The following ANO4 variants were observed in gnomAD, a reference collection of about 807,000 sequenced individuals.
ANO4 encodes anoctamin-4.
ANO4 carries 69 observed loss-of-function variants against 141.9 expected under a neutral mutation model. That is an observed-to-expected ratio of 0.49 (90% CI 0.40 to 0.59). ANO4 has a LOEUF of 0.59. Ranked by LOEUF, ANO4 falls within the 20% of genes least tolerant of loss-of-function variation. The probability of loss-of-function intolerance (pLI) is 0.00; values close to 1 mark genes in which losing one functional copy is unlikely to be tolerated. For synonymous variants in ANO4, 350 were observed against 394.3 expected (o/e 0.89, Z 1.33); for missense variants, 894 against 1,162.2 (o/e 0.77, Z 3.36).
At chr12:101,066,199 A>C (rs1167460209) in intron 14 of ANO4, among the ~76,000 whole-genome samples, 1 of 152,232 alleles carries the variant, frequency 6.6e-6, no homozygotes, top group Non-Finnish European at 1.5e-5. Context: ...TAAAATCTGG[A>C]GCATAATAAG....
At chr12:100,806,523 C>CTTTTT (rs1593379234) in intron 1 of ANO4, among the ~76,000 whole-genome samples, 3,948 of 44,930 alleles carry the variant, frequency 0.088, 1,084 homozygotes, top group Middle Eastern at 0.12. Context: ...TTTTTTGTTT[C>CTTTTT]GTTTTTTTTT....
chr12:100,782,458 T>G (rs2033741907), intron 3 of ANO4, among the ~76,000 whole-genome samples: 1 of 152,244 alleles, frequency 6.6e-6, no homozygotes, highest in African/African-American at 2.4e-5. Context: ...TCTACTTATT[T>G]GGCTTCTGCA....
intron 1 of ANO4, among the ~76,000 whole-genome samples, chr12:100,845,468 C>T (rs1019190749): frequency 1.1e-4 from 16 of 152,104 alleles, no homozygotes; most frequent in Admixed American, 2.6e-4. Context: ...CCCAAGAGGA[C>T]GTTGTTTGAG....
At chr12:100,762,286 T>G (rs1026718603) in intron 3 of ANO4, among the ~76,000 whole-genome samples, 5 of 152,168 alleles carry the variant, frequency 3.3e-5, no homozygotes, top group African/African-American at 1.2e-4. Context: ...CCTTTTTTCC[T>G]GATAGAGCTG....
At chr12:100,898,510 A>G (rs1259446352) in intron 1 of ANO4, among the ~76,000 whole-genome samples, 1 of 152,170 alleles carries the variant, frequency 6.6e-6, no homozygotes, top group East Asian at 1.9e-4. Flanking sequence ...CATGTAACAT[A>G]CCCACTTTCC....
intron 2 of ANO4, 144 bp downstream of exon 2, chr12:100,901,984 A>G (rs2040615126): frequency 2.6e-6 from 2 of 773,442 alleles, no homozygotes; most frequent in African/African-American, 3.6e-5. Context: ...CCTTCTGCTC[A>G]CCTCAGTCAA....
At chr12:100,961,076 T>C (rs910798488) in intron 5 of ANO4, among the ~76,000 whole-genome samples, 2 of 152,228 alleles carry the variant, frequency 1.3e-5, no homozygotes, top group African/African-American at 2.4e-5. Flanking sequence ...AGGGTCATCA[T>C]TGCTTTGCTG....
rs77176208 is a variant in ANO4, at chr12:101,009,196, T to G, written c.735-10838T>G. On this transcript the variant is annotated intron_variant, in intron 8 of 27. Coordinates refer to ENST00000392977, the MANE Select transcript of ANO4 (RefSeq NM_001286615.2). ...AGTTATTAGGATGGGCCCTAATCCA[T>G]TATGACTGGTGCTGTTATATAAGAG... is the stretch of plus-strand genomic sequence containing the variant. 8.5e-3 allele frequency among the ~76,000 whole-genome samples: 1,289 copies of G among 152,212 alleles called. 15 individuals are homozygous for G. The highest frequency in any genetic ancestry group is 0.029 in the African/African-American group (1,223 of 41,534).
intron 3 of ANO4, among the ~76,000 whole-genome samples, chr12:100,749,571 T>C (rs2032275390): frequency 6.6e-6 from 1 of 152,218 alleles, no homozygotes. Context: ...TTATTTAGTT[T>C]TAGAAGACTG....
chr12:101,047,876 C>A, intron 13 of ANO4: 2 of 351,836 alleles, frequency 5.7e-6, no homozygotes, highest in Non-Finnish European at 8.0e-6. Flanking sequence ...CAGAGGGCAG[C>A]CCAGAAAATG....
At chr12:100,990,518 A>G in intron 8 of ANO4, among the ~76,000 whole-genome samples, 1 of 152,222 alleles carries the variant, frequency 6.6e-6, no homozygotes, top group Non-Finnish European at 1.5e-5. Context: ...CCCTTTTGAC[A>G]TGCTTTGGTA....
intron 2 of ANO4, among the ~76,000 whole-genome samples, chr12:100,910,954 A>G (rs2041074124): frequency 6.6e-6 from 1 of 152,120 alleles, no homozygotes. Context: ...CTAAGAATCT[A>G]TCTAGTATTT....
intron 15 of ANO4, among the ~76,000 whole-genome samples, 154 bp from the exon 16 acceptor site, chr12:101,083,524 A>G (rs1453983143): frequency 6.6e-6 from 1 of 152,198 alleles, no homozygotes; most frequent in Admixed American, 6.5e-5. Flanking sequence ...CCAATTTTCA[A>G]ACATTTAAGC....
intron 3 of ANO4, among the ~76,000 whole-genome samples, chr12:100,747,258 T>A (rs1255253035): frequency 6.6e-6 from 1 of 152,158 alleles, no homozygotes; most frequent in South Asian, 2.1e-4. Context: ...ATGCATTTGA[T>A]CCTATTTTAG....
chr12:100,952,064 G>A (rs74531333), intron 5 of ANO4, among the ~76,000 whole-genome samples: 4,908 of 152,252 alleles, frequency 0.032, 199 homozygotes, highest in African/African-American at 0.1. Flanking sequence ...TATATGGTTT[G>A]TTGTAGTGTC....
intron 1 of ANO4, among the ~76,000 whole-genome samples, chr12:100,800,511 C>T (rs1201851942): frequency 2.0e-5 from 3 of 152,174 alleles, no homozygotes; most frequent in Non-Finnish European, 4.4e-5. Context: ...AAATTCTTTT[C>T]GTAGAAGGGC....
chr12:101,034,302 A>G (rs139416976), intron 9 of ANO4, among the ~76,000 whole-genome samples: 1 of 152,280 alleles, frequency 6.6e-6, no homozygotes, highest in African/African-American at 2.4e-5. Context: ...GGAATATTAT[A>G]CATCCATAAA....
chr12:100,821,649 T>C (rs574321948), intron 1 of ANO4, among the ~76,000 whole-genome samples: 1 of 152,030 alleles, frequency 6.6e-6, no homozygotes, highest in African/African-American at 2.4e-5. Flanking sequence ...TGAAGAGTGT[T>C]ACGTGTCAGG....
chr12:100,912,925 C>T (rs2041178720), intron 2 of ANO4, among the ~76,000 whole-genome samples: 1 of 152,122 alleles, frequency 6.6e-6, no homozygotes, highest in Admixed American at 6.6e-5. Context: ...TGTAATTATC[C>T]TTCATTTGAA....
Sources: gnomAD v4.1 joint callset for allele counts (sites outside exome capture counted in the v4.1 genomes callset) on GRCh38, gnomAD v4.1.1 for gene constraint, MANE v1.5 for transcripts, NCBI Gene and HGNC (gene_info 2026-07-23, HGNC 2026-07-21) for gene names.